BBS9: variants seen among roughly 807,000 people sequenced by gnomAD.
BBS9 encodes Bardet-Biedl syndrome 9.
In BBS9, 89 loss-of-function variants were observed where a neutral mutation model predicts 117.7. The observed-to-expected ratio is 0.76, with a 90% confidence interval of 0.64 to 0.90. The LOEUF is 0.90. BBS9 is among the 40% of genes least tolerant of loss of function. The pLI is 0.00. For missense variants in BBS9, 982 were observed against 1,042.2 expected (o/e 0.94, Z 0.80); for synonymous variants, 379 against 370.9 (o/e 1.02, Z -0.25).
intron 9 of BBS9, among the ~76,000 whole-genome samples, chr7:33,297,197 T>G (rs949333672): frequency 5.3e-5 from 8 of 152,164 alleles, no homozygotes; most frequent in Admixed American, 2.6e-4. Context: ...TTAGTGGATA[T>G]CTCAGATGGT....
At chr7:33,505,396 A>T (rs2129015998) in intron 19 of BBS9, 67 bp from the exon 20 acceptor site, 2 of 1,491,006 alleles carry the variant, frequency 1.3e-6, no homozygotes, top group Non-Finnish European at 1.9e-6. Flanking sequence ...AAAGTGTGCC[A>T]GACATAATTT....
chr7:33,600,421 T>C (rs2247067), intron 21 of BBS9, among the ~76,000 whole-genome samples: 69,439 of 151,518 alleles, frequency 0.46, 20,652 homozygotes, highest in African/African-American at 0.82. Flanking sequence ...TGAGAAGCAT[T>C]GCTGTAAACT....
chr7:33,323,466 GT>G (rs974205502), intron 9 of BBS9, among the ~76,000 whole-genome samples: 9 of 151,476 alleles, frequency 5.9e-5, no homozygotes, highest in South Asian at 4.2e-4. Flanking sequence ...GTTGAATTGA[GT>G]TTTTTTTAAA....
chr7:33,329,025 A>ATTTATTTATTTATTTATTTG (rs1418494347), intron 9 of BBS9, among the ~76,000 whole-genome samples: 1 of 141,828 alleles, frequency 7.1e-6, no homozygotes, highest in African/African-American at 2.6e-5. Context: ...TTATTTATTT[A>ATTTATTTATTTATTTATTTG]TTTGTTTATT....
intron 5 of BBS9, among the ~76,000 whole-genome samples, chr7:33,212,451 G>A (rs527657837): frequency 1.3e-4 from 20 of 151,992 alleles, no homozygotes; most frequent in African/African-American, 4.1e-4. Context: ...TTATCTGATC[G>A]GATTCTGAAT....
chr7:33,261,132 C>T (rs573331512), intron 6 of BBS9, among the ~76,000 whole-genome samples: 9 of 151,516 alleles, frequency 5.9e-5, no homozygotes, highest in South Asian at 2.1e-4. Flanking sequence ...TTTCTCTGCA[C>T]GTGGAAATTA....
chr7:33,370,140 A>G (rs548469738), intron 17 of BBS9, among the ~76,000 whole-genome samples: 1 of 152,008 alleles, frequency 6.6e-6, no homozygotes, highest in Admixed American at 6.5e-5. Flanking sequence ...TCCCTGGGGA[A>G]CTGAGTAGGA....
Position 33,264,343 on chromosome 7 carries a change from A to C in BBS9, c.671A>C (p.Gln224Pro). Residue 224 changes from glutamine (Q) to proline (P), a missense_variant, in exon 7 of 23, where the codon CAG becomes CCG. Transcript: ENST00000242067. ...TDADKRQETE[Q>P]QKLGSGKRLV... ...GCAGATAAAAGGCAGGAGACTGAACAGCAAAAACTTGGTTCTGGAAAAAGA... is the reference window on the plus strand; with the variant it reads ...GCAGATAAAAGGCAGGAGACTGAACCGCAAAAACTTGGTTCTGGAAAAAGA... 1 of 1,581,448 alleles carries C rather than the reference A, an allele frequency of 6.3e-7. No individual in the cohort carries two copies. The highest frequency in any genetic ancestry group is 1.3e-5 in the African/African-American group (1 of 74,528).
At chr7:33,131,296 C>T (rs965002628) in intron 1 of BBS9, among the ~76,000 whole-genome samples, 3 of 152,140 alleles carry the variant, frequency 2.0e-5, no homozygotes, top group Admixed American at 2.0e-4. Context: ...CCATTTTATC[C>T]TCCTCCACCC....
At chr7:33,151,873 T>TC (rs1491417356) in intron 2 of BBS9, among the ~76,000 whole-genome samples, 5 of 143,142 alleles carry the variant, frequency 3.5e-5, no homozygotes, top group South Asian at 2.3e-4. Flanking sequence ...TTTTTTTTTT[T>TC]CAGTGACAAG....
chr7:33,359,456 T>C (rs1005625646), intron 16 of BBS9, among the ~76,000 whole-genome samples: 5 of 152,186 alleles, frequency 3.3e-5, no homozygotes, highest in Middle Eastern at 3.4e-3. Context: ...CTCAATTGTT[T>C]TGATGTCATT....
At position 33,596,391 on chromosome 7, in the gene BBS9, C is replaced by A. The variant is rs73690943; in HGVS notation, c.2522-8474C>A. Among the ~76,000 whole-genome samples the A allele has an allele frequency of 8.1e-3, 1,215 of 150,516 alleles. 20 individuals carry two copies. The highest frequency in any genetic ancestry group is 0.028 in the African/African-American group (1,133 of 40,848). ...TCTATCTATCTATCTATCTATCTAT[C>A]TATATATAATTAGTCAAAAAAATTC... On this transcript the variant is annotated intron_variant, in intron 21 of 22. Transcript: ENST00000242067.
At position 33,395,762 on chromosome 7, in the gene BBS9, G is replaced by A. The variant is rs909970057; in HGVS notation, c.2115+7618G>A. Among the ~76,000 whole-genome samples, 5 of 152,078 alleles carry A rather than the reference G, an allele frequency of 3.3e-5. No individual in the cohort carries two copies. In the South Asian group the frequency reaches 6.2e-4, roughly 19 times the overall value. On this transcript the variant is annotated intron_variant, in intron 19 of 22. Coordinates refer to ENST00000242067, the MANE Select transcript of BBS9 (RefSeq NM_198428.3). ...ATATATAAAAATCATTTTAAGTCAC[G>A]CAGAAGCCTAAGAGCTTTTTGGTCC... is the stretch of plus-strand genomic sequence containing the variant.
At chr7:33,255,799 T>G (rs1796950046) in intron 5 of BBS9, among the ~76,000 whole-genome samples, 1 of 152,194 alleles carries the variant, frequency 6.6e-6, no homozygotes, top group Non-Finnish European at 1.5e-5. Flanking sequence ...ACATACAACA[T>G]GCATATAAAC....
chr7:33,472,407 C>G (rs372141109), intron 19 of BBS9, among the ~76,000 whole-genome samples: 1 of 152,182 alleles, frequency 6.6e-6, no homozygotes, highest in Non-Finnish European at 1.5e-5. Context: ...ATATGTAGCA[C>G]TGATTTCTTA....
In BBS9 at chr7:33,441,532, C is replaced by T. The variant is rs146487382; in HGVS notation, c.2115+53388C>T. 3.3e-3 allele frequency among the ~76,000 whole-genome samples: 506 copies of T among 152,232 alleles called. 3 individuals carry two copies. The highest frequency in any genetic ancestry group is 0.012 in the African/African-American group (489 of 41,546). ...TTAATGATATTTTGGATTATTACTA[C>T]ATAAATTATGTCTATTTCTTTAGAA... On this transcript the variant is annotated intron_variant, in intron 19 of 22. Coordinates refer to ENST00000242067, the MANE Select transcript of BBS9 (RefSeq NM_198428.3).
chr7:33,236,992 T>C (rs1793645677), intron 5 of BBS9, among the ~76,000 whole-genome samples: 1 of 152,178 alleles, frequency 6.6e-6, no homozygotes, highest in Non-Finnish European at 1.5e-5. Flanking sequence ...TCTGTTGATG[T>C]ATATCTAATG....
chr7:33,337,430 A>G (rs1815608273), intron 10 of BBS9, among the ~76,000 whole-genome samples: 1 of 152,160 alleles, frequency 6.6e-6, no homozygotes, highest in African/African-American at 2.4e-5. Flanking sequence ...CAACCAAAAC[A>G]ACAGAGCCAA....
intron 21 of BBS9, among the ~76,000 whole-genome samples, chr7:33,557,536 G>T (rs1204653105): frequency 1.6e-3 from 2 of 1,254 alleles, no homozygotes; most frequent in African/African-American, 6.9e-3. Flanking sequence ...GACCCATTTA[G>T]TTTCATTCCT....
Sources: gnomAD v4.1 joint callset for allele counts (sites outside exome capture counted in the v4.1 genomes callset) on GRCh38, gnomAD v4.1.1 for gene constraint, MANE v1.5 for transcripts, NCBI Gene and HGNC (gene_info 2026-07-23, HGNC 2026-07-21) for gene names.